The following RADIL variants were observed in gnomAD, a reference collection of about 807,000 sequenced individuals.
The protein encoded by RADIL is ras-associating and dilute domain-containing protein.
In RADIL, 99 loss-of-function variants were observed where a neutral mutation model predicts 97.6. The ratio of observed to expected loss-of-function variants is 1.01; its 90% CI spans 0.86 to 1.20. RADIL has a LOEUF of 1.20. Among genes scored for constraint, RADIL ranks in the 50% most tolerant of loss-of-function variants. The pLI, the probability that RADIL is intolerant of heterozygous loss-of-function variation, is 0.00. For synonymous variants in RADIL, 803 were observed against 691.8 expected (o/e 1.16, Z -2.52); for missense variants, 1,765 against 1,498.9 (o/e 1.18, Z -2.93).
chr7:4,804,104 G>A (rs149092116), intron 10 of RADIL: 36 of 352,018 alleles, frequency 1.0e-4, no homozygotes, highest in Non-Finnish European at 1.5e-4. Context: ...CCCCCAGCCC[G>A]GCAGAGCTGG....
intron 2 of RADIL, among the ~76,000 whole-genome samples, chr7:4,863,371 C>T (rs967717478): frequency 6.6e-6 from 1 of 152,108 alleles, no homozygotes; most frequent in South Asian, 2.1e-4. Context: ...TCTTGAGAAA[C>T]TGTATAGTTT....
chr7:4,861,144 G>A (rs747635560), intron 2 of RADIL: 1 of 1,614,208 alleles, frequency 6.2e-7, no homozygotes, highest in Non-Finnish European at 8.5e-7. Context: ...CTCAGAGTCA[G>A]CCTGAAGTTG....
intron 2 of RADIL, among the ~76,000 whole-genome samples, chr7:4,845,277 G>T (rs985063557): frequency 1.2e-4 from 18 of 152,238 alleles, no homozygotes; most frequent in African/African-American, 4.3e-4. Context: ...AGATGAACCA[G>T]ATGTGGTGGG....
At position 4,878,185 on chromosome 7, in the gene RADIL, G is replaced by A. The variant is rs1367588182; in HGVS notation, c.-46C>T. 1 of 1,473,934 alleles carries A rather than the reference G, an allele frequency of 6.8e-7. No individual in the cohort carries two copies. The highest frequency in any genetic ancestry group is 2.3e-5 in the Admixed American group (1 of 42,634). 91.3% of individuals were successfully genotyped at this position (1,473,934 alleles called of 1,614,324 possible). A position where few individuals can be genotyped will look rare whatever the true frequency, so the allele number is the denominator to read the frequency against. On this transcript the variant is annotated 5_prime_UTR_variant, in exon 2 of 15. Coordinates refer to ENST00000399583, the MANE Select transcript of RADIL (RefSeq NM_018059.5). This position sits in a 1 kb window ranked among gnomAD's most constrained non-coding sequence, Gnocchi z 4.1. ...TGAGGACTGTGGGCTTCAGCCAAAG[G>A]ATGTGGGGAGGCCGTGACCTGGGTG... is the stretch of plus-strand genomic sequence containing the variant.
rs1163509651 is a variant in RADIL at position 4,815,448 on chromosome 7, G to C, written c.1969C>G (p.Pro657Ala). 2.6e-6 allele frequency: 4 copies of C among 1,511,008 alleles called. No homozygotes were observed. In the African/African-American group the frequency reaches 5.5e-5, roughly 21 times the overall value. 93.6% of individuals were successfully genotyped at this position (1,511,008 alleles called of 1,614,324 possible). Residue 657 changes from proline to alanine, a missense_variant and splice_region_variant, in exon 9 of 15, where the codon CCC becomes GCC. Physicochemically the swap from Pro to Ala is conservative, Grantham distance 27. Coordinates refer to ENST00000399583, the MANE Select transcript of RADIL (RefSeq NM_018059.5). This position sits in a 1 kb window ranked among gnomAD's most constrained non-coding sequence, Gnocchi z 8.0. ...LLLNQLLDRG[P>A]SLSCFHWPRG... ...GGCCAGTGGAAGCAGCTCAGGGAGG[G>C]GCCTGTGGAGGGAAGAAGGGAGGGT...
rs1554263196 is a variant in RADIL at position 4,835,588 on chromosome 7, A to ACTGTGTGGGAGCACTGTCGC, written c.784-350_784-349insGCGACAGTGCTCCCACACAG. ...TAACTTCCCCCAAGTCATCCCCAAA[A>ACTGTGTGGGAGCACTGTCGC]CTGTGTGGGAGCACTGCCGCCTGTG... On this transcript the variant is annotated intron_variant, in intron 3 of 14. Coordinates refer to ENST00000399583, the MANE Select transcript of RADIL (RefSeq NM_018059.5). This position sits in a 1 kb window ranked among gnomAD's most constrained non-coding sequence, Gnocchi z 5.8. Among the ~76,000 whole-genome samples the ACTGTGTGGGAGCACTGTCGC allele has an allele frequency of 2.0e-5, 3 of 151,726 alleles. No homozygotes were observed. Among genetic ancestry groups the ACTGTGTGGGAGCACTGTCGC allele is most frequent in the African/African-American group, 7.3e-5 (3 of 41,304 alleles).
At chr7:4,800,138 A>G in intron 13 of RADIL, 33 bp downstream of exon 13, 3 of 1,588,024 alleles carry the variant, frequency 1.9e-6, no homozygotes, top group Non-Finnish European at 1.7e-6. Context: ...GGCAGCCAGT[A>G]TGGGGGTGCG....
chr7:4,806,607 T>C (rs115449810), intron 9 of RADIL, among the ~76,000 whole-genome samples: 3,608 of 152,316 alleles, frequency 0.024, 143 homozygotes, highest in African/African-American at 0.082. Flanking sequence ...CTGGGGTTCC[T>C]TTCCCCGGCT....
rs373898066 is a variant in RADIL, at chr7:4,834,661, G to A, written c.1362C>T (p.Gly454=). 184 of 1,366,838 alleles carry A rather than the reference G, an allele frequency of 1.3e-4. No homozygotes were observed. Among genetic ancestry groups the A allele is most frequent in the Non-Finnish European group, 1.7e-4 (178 of 1,052,908 alleles). The allele number at this position is 1,366,838 out of a possible 1,614,324, so 84.7% of individuals were successfully genotyped here. ...IQHSATHFQP[G]TFGQLLLKIA... is the part of the protein sequence containing the mutation. ...TCTTGAGCAGGAGCTGCCCGAATGTGCCCGGCTGGAAGTGGGTGGCCGAGT... is the reference window on the plus strand; with the variant it reads ...TCTTGAGCAGGAGCTGCCCGAATGTACCCGGCTGGAAGTGGGTGGCCGAGT... Residue 454 remains glycine, a synonymous_variant, in exon 4 of 15, where the codon GGC becomes GGT. Coordinates refer to ENST00000399583, the MANE Select transcript of RADIL (RefSeq NM_018059.5). The surrounding 1 kb of genome is among the most constrained non-coding windows in gnomAD (Gnocchi z 6.0).
rs1054043684 is a variant in RADIL, at chr7:4,883,254, G to GAT, written c.-65+341_-65+342insAT. On this transcript the variant is annotated intron_variant, in intron 1 of 14. Coordinates refer to ENST00000399583, the MANE Select transcript of RADIL (RefSeq NM_018059.5). The surrounding 1 kb of genome is among the most constrained non-coding windows in gnomAD (Gnocchi z 7.1). ...GGCACAGCCGGGAAAACTGAGGGCCGAGAGTCCCCTGGAGTTGGGGGTCCG... is the reference window on the plus strand; with the variant it reads ...GGCACAGCCGGGAAAACTGAGGGCCGATAGAGTCCCCTGGAGTTGGGGGTCCG... Among the ~76,000 whole-genome samples the GAT allele has an allele frequency of 6.7e-6, 1 of 149,632 alleles. No homozygotes were observed. Among genetic ancestry groups the GAT allele is most frequent in the Non-Finnish European group, 1.5e-5 (1 of 67,910 alleles).
Position 4,818,187 on chromosome 7 carries a change from C to T in RADIL, c.1616-836G>A, listed in dbSNP as rs532008263. Among the ~76,000 whole-genome samples, 5 of 152,328 alleles carry T rather than the reference C, an allele frequency of 3.3e-5. No homozygotes were observed. The South Asian group carries it at 8.3e-4, about 25-fold the overall frequency. ...TCCAGGAGGGGCAGAGGGGCCGCATCGTGGGGGCTGCCTGTCCAGGCCGCC... is the reference window on the plus strand; with the variant it reads ...TCCAGGAGGGGCAGAGGGGCCGCATTGTGGGGGCTGCCTGTCCAGGCCGCC... On this transcript the variant is annotated intron_variant, in intron 6 of 14. Coordinates refer to ENST00000399583, the MANE Select transcript of RADIL (RefSeq NM_018059.5). The surrounding 1 kb of genome is among the most constrained non-coding windows in gnomAD (Gnocchi z 7.1).
rs1310330285 is a variant in RADIL at position 4,817,589 on chromosome 7, C to G, written c.1616-238G>C. ...GGAGGGGCAGGAGGGGTCCAGACAC[C>G]CAACATCTCAATGCCCAGCCCAGCC... On this transcript the variant is annotated intron_variant, in intron 6 of 14. Coordinates refer to ENST00000399583, the MANE Select transcript of RADIL (RefSeq NM_018059.5). The surrounding 1 kb of genome is among the most constrained non-coding windows in gnomAD (Gnocchi z 8.3). Among the ~76,000 whole-genome samples, 1 of 152,074 alleles carries G rather than the reference C, an allele frequency of 6.6e-6. No homozygotes were observed. The highest frequency in any genetic ancestry group is 1.5e-5 in the Non-Finnish European group (1 of 67,998).
intron 4 of RADIL, among the ~76,000 whole-genome samples, 196 bp from the exon 5 acceptor site, chr7:4,832,374 A>T (rs1230480614): frequency 4.6e-5 from 7 of 152,146 alleles, no homozygotes; most frequent in Non-Finnish European, 8.8e-5. Flanking sequence ...TCCATTACCG[A>T]CTATGACCTA....
chr7:4,801,781 G>A lies in RADIL; in HGVS notation c.2714C>T (p.Pro905Leu), dbSNP rs780960022. Residue 905 changes from proline (P) to leucine (L), a missense_variant, in exon 12 of 15, where the codon CCT (proline) becomes CTT (leucine). Transcript: ENST00000399583. Reference sequence around the variant, plus strand: ...CTCAGGGCCAAGTGGAGTGCTGGGAGGCGTGAGCAAGCAGGACGAGTCCGT... The same window carrying A: ...CTCAGGGCCAAGTGGAGTGCTGGGAAGCGTGAGCAAGCAGGACGAGTCCGT... ...PHTDSSCLLT[P>L]PSTPLGPEPG... The A allele has an allele frequency of 4.3e-6, 7 of 1,610,280 alleles. No homozygotes were observed. The South Asian group carries it at 6.6e-5, about 15-fold the overall frequency.
At chr7:4,826,918 T>TAAA (rs1782999027) in intron 5 of RADIL, among the ~76,000 whole-genome samples, 1 of 152,112 alleles carries the variant, frequency 6.6e-6, no homozygotes, top group African/African-American at 2.4e-5. Flanking sequence ...ACAATGGCTT[T>TAAA]CAAAACATAA....
At chr7:4,827,803 C>T (rs1352116968) in intron 5 of RADIL, among the ~76,000 whole-genome samples, 1 of 152,176 alleles carries the variant, frequency 6.6e-6, no homozygotes, top group Non-Finnish European at 1.5e-5. Context: ...GCCCTTACCT[C>T]ATACAAACTG....
intron 11 of RADIL, 29 bp from the exon 12 acceptor site, chr7:4,802,024 T>C (rs58207166): frequency 0.22 from 317,367 of 1,460,660 alleles, 42,887 homozygotes; most frequent in African/African-American, 0.64. Context: ...ACAGCTCAGG[T>C]AGAGGAGTGG....
At position 4,844,146 on chromosome 7, in the gene RADIL, G is replaced by A. The variant is rs530353992; in HGVS notation, c.536-7541C>T. Reference sequence around the variant, plus strand: ...CAGGGAAAAATAGGGGAAAGATACAGGATTGAAAACAAAGAAGTTGCCAGG... The same window carrying A: ...CAGGGAAAAATAGGGGAAAGATACAAGATTGAAAACAAAGAAGTTGCCAGG... On this transcript the variant is annotated intron_variant, in intron 2 of 14. Transcript: ENST00000399583. 2.6e-5 allele frequency among the ~76,000 whole-genome samples: 4 copies of A among 152,112 alleles called. No individual in the cohort carries two copies. The South Asian group carries it at 8.3e-4, about 32-fold the overall frequency.
intron 8 of RADIL, 49 bp downstream of exon 8, chr7:4,816,179 G>A (rs1562433988): frequency 3.2e-6 from 5 of 1,547,730 alleles, no homozygotes; most frequent in Middle Eastern, 1.7e-4. Context: ...CAGCCGTCAT[G>A]TCCAGGAATG....
Sources: gnomAD v4.1 joint callset for allele counts (sites outside exome capture counted in the v4.1 genomes callset) on GRCh38, gnomAD v4.1.1 for gene constraint, Gnocchi (gnomAD v3.1) non-coding constraint, MANE v1.5 for transcripts, NCBI Gene and HGNC (gene_info 2026-07-23, HGNC 2026-07-21) for gene names.